POU1F1: variants seen among roughly 807,000 people sequenced by gnomAD.
The protein encoded by POU1F1 is pituitary-specific positive transcription factor 1.
In POU1F1, 23 loss-of-function variants were observed where a neutral mutation model predicts 32.3. The observed-to-expected ratio is 0.71, with a 90% confidence interval of 0.51 to 1.01. The LOEUF (loss-of-function observed/expected upper bound fraction) is 1.01, where lower values mean the gene tolerates loss of function less well. POU1F1 is among the 50% of genes least tolerant of loss of function. The pLI is 0.00. For synonymous variants in POU1F1, 120 were observed against 115.6 expected (o/e 1.04, Z -0.25); for missense variants, 323 against 341.6 (o/e 0.95, Z 0.43).
At chr3:87,262,329 A>G in intron 3 of POU1F1, 94 bp from the exon 4 acceptor site, 1 of 1,335,398 alleles carries the variant, frequency 7.5e-7, no homozygotes, top group South Asian at 1.2e-5. Context: ...TTTGTCAACT[A>G]TTACACACTA....
intron 4 of POU1F1, 37 bp from the exon 5 acceptor site, chr3:87,261,370 A>C: frequency 2.0e-6 from 3 of 1,464,916 alleles, no homozygotes; most frequent in Non-Finnish European, 2.8e-6. Flanking sequence ...ACAAACACAA[A>C]GTAGACTTTT....
intron 4 of POU1F1, 85 bp downstream of exon 4, chr3:87,261,986 T>G: frequency 6.5e-7 from 1 of 1,533,164 alleles, no homozygotes; most frequent in Non-Finnish European, 9.0e-7. Flanking sequence ...CCCTCAAACC[T>G]CCTGCTTTAG....
At chr3:87,267,553 T>C (rs1183112936) in intron 2 of POU1F1, among the ~76,000 whole-genome samples, 2 of 152,102 alleles carry the variant, frequency 1.3e-5, no homozygotes, top group Non-Finnish European at 2.9e-5. Context: ...CAATAAAATA[T>C]ATATAAAGTG....
intron 2 of POU1F1, among the ~76,000 whole-genome samples, chr3:87,267,799 TCTCA>T (rs1321879704): frequency 6.6e-6 from 1 of 152,064 alleles, no homozygotes; most frequent in Non-Finnish European, 1.5e-5. Flanking sequence ...ACAGACGGGA[TCTCA>T]CTATGTTGCC....
At position 87,276,219 on chromosome 3, in the gene POU1F1, T is replaced by A. The variant is rs1706822360; in HGVS notation, c.142+102A>T. 2.0e-5 allele frequency: 29 copies of A among 1,438,826 alleles called. No individual in the cohort carries two copies. The South Asian group carries it at 3.2e-4, about 16-fold the overall frequency. 89.1% of individuals were successfully genotyped at this position (1,438,826 alleles called of 1,614,324 possible). ...CTTAAGACAAATTAAATTGGAGGGGTAAAATGAAAGATGCAAAGAGATTAT... is the reference window on the plus strand; with the variant it reads ...CTTAAGACAAATTAAATTGGAGGGGAAAAATGAAAGATGCAAAGAGATTAT... On this transcript the variant is annotated intron_variant, in intron 1 of 5. Coordinates refer to ENST00000350375, the MANE Select transcript of POU1F1 (RefSeq NM_000306.4).
At chr3:87,271,060 A>G (rs547839864) in intron 2 of POU1F1, among the ~76,000 whole-genome samples, 1 of 152,204 alleles carries the variant, frequency 6.6e-6, no homozygotes, top group East Asian at 1.9e-4. Flanking sequence ...TAATCTTAAG[A>G]CCACAGTGAT....
intron 2 of POU1F1, among the ~76,000 whole-genome samples, chr3:87,266,649 CAA>C (rs1165879851): frequency 6.6e-6 from 1 of 151,548 alleles, no homozygotes. Context: ...CTTGATCAGA[CAA>C]GAGAACATTT....
intron 2 of POU1F1, among the ~76,000 whole-genome samples, chr3:87,269,757 G>C (rs1292355228): frequency 1.3e-5 from 2 of 151,952 alleles, no homozygotes; most frequent in African/African-American, 2.4e-5. Context: ...AGTCCCAAGA[G>C]TTTGGGACTT....
At position 87,259,664 on chromosome 3, in the gene POU1F1, AT is replaced by A. The variant is rs1706467416; in HGVS notation, c.*229del. On this transcript the variant is annotated 3_prime_UTR_variant, in exon 6 of 6. Coordinates refer to ENST00000350375, the MANE Select transcript of POU1F1 (RefSeq NM_000306.4). ...GAGATCATTTTATTACTGTTAATAT[AT>A]TTGGCTTAAAATAGATAATGTGGCT... 5.8e-6 allele frequency: 3 copies of A among 513,182 alleles called. No individual in the cohort carries two copies. Among genetic ancestry groups the A allele is most frequent in the Admixed American group, 3.4e-5 (1 of 29,688 alleles). 31.8% of individuals were successfully genotyped at this position (513,182 alleles called of 1,614,324 possible).
At chr3:87,269,968 T>C (rs928913740) in intron 2 of POU1F1, among the ~76,000 whole-genome samples, 2 of 152,138 alleles carry the variant, frequency 1.3e-5, no homozygotes, top group African/African-American at 4.8e-5. Context: ...TCCTGAATTG[T>C]ACTCTGCTTC....
chr3:87,261,099 CAG>C (rs892095050), intron 5 of POU1F1, among the ~76,000 whole-genome samples, 172 bp downstream of exon 5: 8 of 151,804 alleles, frequency 5.3e-5, no homozygotes, highest in African/African-American at 1.7e-4. Flanking sequence ...TTAGTAGAAA[CAG>C]AGTTTCACCA....
chr3:87,274,784 A>G (rs1243766480), intron 1 of POU1F1, among the ~76,000 whole-genome samples: 1 of 151,626 alleles, frequency 6.6e-6, no homozygotes, highest in Non-Finnish European at 1.5e-5. Flanking sequence ...CAATGCTATT[A>G]TCATTTAAAA....
Position 87,259,562 on chromosome 3 carries a change from A to G in POU1F1, c.*332T>C. On this transcript the variant is annotated 3_prime_UTR_variant, in exon 6 of 6. Coordinates refer to ENST00000350375, the MANE Select transcript of POU1F1 (RefSeq NM_000306.4). ...GACTTACATGTTAAAAAGCTAATAT[A>G]CATGTTTGGAAAAGGAACTTATAAA... 1 of 264,840 alleles carries G rather than the reference A, an allele frequency of 3.8e-6. No homozygotes were observed. The highest frequency in any genetic ancestry group is 7.3e-6 in the Non-Finnish European group (1 of 137,766). The allele number at this position is 264,840 out of a possible 1,614,324, so 16.4% of individuals were successfully genotyped here.
At chr3:87,274,890 A>G (rs1706797664) in intron 1 of POU1F1, among the ~76,000 whole-genome samples, 1 of 152,026 alleles carries the variant, frequency 6.6e-6, no homozygotes, top group Non-Finnish European at 1.5e-5. Context: ...AATACAGGAT[A>G]GGCTAATTTA....
intron 3 of POU1F1, among the ~76,000 whole-genome samples, 157 bp downstream of exon 3, chr3:87,264,131 A>T (rs919563270): frequency 1.2e-4 from 19 of 152,138 alleles, no homozygotes; most frequent in African/African-American, 4.6e-4. Context: ...TAAGGAAACA[A>T]ATGTTTTTGG....
chr3:87,262,031 GT>G, intron 4 of POU1F1, 39 bp downstream of exon 4: 1 of 1,611,608 alleles, frequency 6.2e-7, no homozygotes, highest in Non-Finnish European at 8.5e-7. Flanking sequence ...TTATTTTTAG[GT>G]TAAAACACAG....
intron 2 of POU1F1, among the ~76,000 whole-genome samples, chr3:87,270,515 C>A (rs1379334198): frequency 6.6e-6 from 1 of 152,078 alleles, no homozygotes; most frequent in Non-Finnish European, 1.5e-5. Context: ...ATGAAATGCT[C>A]AAACTAAATG....
Position 87,262,018 on chromosome 3 carries a change from C to G in POU1F1, c.604+53G>C, listed in dbSNP as rs1033491224. 3.1e-6 allele frequency: 5 copies of G among 1,600,756 alleles called. No homozygotes were observed. In the African/African-American group the frequency reaches 6.7e-5, roughly 21 times the overall value. ...TTAGCATTAATCCTACTTATTGAAG[C>G]CATTATTTTTAGGTTAAAACACAGC... On this transcript the variant is annotated intron_variant, in intron 4 of 5. Transcript: ENST00000350375.
Position 87,259,661 on chromosome 3 carries a change from T to A in POU1F1, c.*233A>T. On this transcript the variant is annotated 3_prime_UTR_variant, in exon 6 of 6. Coordinates refer to ENST00000350375, the MANE Select transcript of POU1F1 (RefSeq NM_000306.4). ...AGAGAGATCATTTTATTACTGTTAA[T>A]ATATTTGGCTTAAAATAGATAATGT... 11 of 506,198 alleles carry A rather than the reference T, an allele frequency of 2.2e-5. No individual in the cohort carries two copies. The highest frequency in any genetic ancestry group is 1.4e-4 in the Admixed American group (4 of 29,442). The allele number at this position is 506,198 out of a possible 1,614,324, so 31.4% of individuals were successfully genotyped here. A position where few individuals can be genotyped will look rare whatever the true frequency, so the allele number is the denominator to read the frequency against.
Sources: gnomAD v4.1 joint callset for allele counts (sites outside exome capture counted in the v4.1 genomes callset) on GRCh38, gnomAD v4.1.1 for gene constraint, MANE v1.5 for transcripts, NCBI Gene and HGNC (gene_info 2026-07-23, HGNC 2026-07-21) for gene names.